MANBA: variants seen among roughly 807,000 people sequenced by gnomAD.
The protein encoded by MANBA is beta-mannosidase.
In MANBA, 83 loss-of-function variants were observed where a neutral mutation model predicts 111.1. The observed-to-expected ratio is 0.75, with a 90% CI of 0.63 to 0.90. The LOEUF is 0.90. MANBA is among the 40% of genes least tolerant of loss of function. The pLI is 0.00. For missense variants in MANBA, 1,036 were observed against 1,069.0 expected (o/e 0.97, Z 0.43); for synonymous variants, 370 against 378.7 (o/e 0.98, Z 0.27).
chr4:102,732,022 C>T (rs1723050627), intron 1 of MANBA, among the ~76,000 whole-genome samples: 1 of 152,124 alleles, frequency 6.6e-6, no homozygotes, highest in African/African-American at 2.4e-5. Context: ...ATTCTCCTGC[C>T]TCAGCTTCCC....
chr4:102,675,076 G>T (rs1194403882), intron 7 of MANBA, among the ~76,000 whole-genome samples: 1 of 152,178 alleles, frequency 6.6e-6, no homozygotes, highest in East Asian at 1.9e-4. Context: ...CTGCTTCAGG[G>T]TTGCAAAATG....
At chr4:102,707,798 A>C (rs1283466805) in intron 5 of MANBA, among the ~76,000 whole-genome samples, 1 of 152,168 alleles carries the variant, frequency 6.6e-6, no homozygotes, top group Non-Finnish European at 1.5e-5. Flanking sequence ...ACATGGACTG[A>C]AAGTAAAGGA....
chr4:102,734,380 C>T (rs532713132), intron 1 of MANBA: 1 of 1,610,254 alleles, frequency 6.2e-7, no homozygotes, highest in Admixed American at 1.7e-5. Context: ...CTAGACTTCT[C>T]ACCTCTGGAG....
rs147542645 is a variant in MANBA, at chr4:102,657,887, C to T, written c.1499G>A (p.Arg500His). The T allele has an allele frequency of 3.5e-4, 567 of 1,607,416 alleles. No homozygotes were observed. Among genetic ancestry groups the T allele is most frequent in the Non-Finnish European group, 4.5e-4 (534 of 1,173,942 alleles). ...RELVLAGDKS[R>H]PFITSSPTNG... ...TGTAGGACTGGACGTAATAAAAGGACGACTCTTGTCTCCCTGAGTTCAGAA... is the reference window on the plus strand; with the variant it reads ...TGTAGGACTGGACGTAATAAAAGGATGACTCTTGTCTCCCTGAGTTCAGAA... The change falls in exon 12 of 17, where the codon CGT (arginine) becomes CAT (histidine). Residue 500 changes from arginine (R) to histidine (H), a missense_variant. Transcript: ENST00000647097.
intron 1 of MANBA, among the ~76,000 whole-genome samples, chr4:102,736,736 T>C (rs1723229278): frequency 6.6e-6 from 1 of 152,148 alleles, no homozygotes; most frequent in Non-Finnish European, 1.5e-5. Context: ...CAGCTCCCAC[T>C]TGGATGAACA....
rs1732485053 is a variant in MANBA at position 102,691,706 on chromosome 4, C to G, written c.674-935G>C. Among the ~76,000 whole-genome samples the G allele has an allele frequency of 2.0e-5, 3 of 151,966 alleles. No homozygotes were observed. In the South Asian group the frequency reaches 6.2e-4, roughly 32 times the overall value. On this transcript the variant is annotated intron_variant, in intron 5 of 16. Transcript: ENST00000647097. ...TACTTTTTGTAAAGATGAGGTCTCA[C>G]TTTGTTGTCCAGGTTAGTCTTGAAC...
Position 102,690,767 on chromosome 4 carries a change from CT to C in MANBA, c.677del (p.Lys226ArgfsTer10). 6.8e-7 allele frequency: 1 copy of C among 1,460,536 alleles called. No individual in the cohort carries two copies. Among genetic ancestry groups the C allele is most frequent in the Non-Finnish European group, 9.2e-7 (1 of 1,082,366 alleles). The allele number at this position is 1,460,536 out of a possible 1,614,324, so 90.5% of individuals were successfully genotyped here. ...TTTCCAGATTCCACTCCTGGGCACTCTTATCTAAAATATAAAAAGAAAAAGA... is the reference window on the plus strand; with the variant it reads ...TTTCCAGATTCCACTCCTGGGCACTCTATCTAAAATATAAAAAGAAAAAGA... Reference protein sequence around the residue: ...NYFTFSPIYDKSAQEWNLEIE... With the variant: ...NYFTFSPIYDXSAQEWNLEIE... On this transcript the variant is annotated frameshift_variant, in exon 6 of 17. Coordinates refer to ENST00000647097, the MANE Select transcript of MANBA (RefSeq NM_005908.4). LOFTEE classifies it high-confidence loss of function.
At position 102,714,431 on chromosome 4, in the gene MANBA, A is replaced by G; in HGVS notation, c.673+7T>C. 6.2e-7 allele frequency: 1 copy of G among 1,603,386 alleles called. No individual in the cohort carries two copies. The highest frequency in any genetic ancestry group is 8.5e-7 in the Non-Finnish European group (1 of 1,170,432). The stretch of plus-strand genomic sequence containing the variant: ...AAAAGAAAAAAAAATCACATCTTTC[A>G]GCTTACCATATATTGGGGAAAATGT... On this transcript the variant is annotated splice_region_variant and intron_variant, in intron 5 of 16. Transcript: ENST00000647097.
intron 1 of MANBA, chr4:102,729,878 G>T: frequency 6.5e-7 from 1 of 1,531,972 alleles, no homozygotes; most frequent in Non-Finnish European, 9.0e-7. Flanking sequence ...ACTTGTTGTT[G>T]AGGGTCTTGA....
chr4:102,735,046 C>T (rs533901949), intron 1 of MANBA, among the ~76,000 whole-genome samples: 1 of 152,302 alleles, frequency 6.6e-6, no homozygotes, highest in African/African-American at 2.4e-5. Flanking sequence ...TAATCAGTCA[C>T]CTTTTTTGCT....
Position 102,691,835 on chromosome 4 carries a change from T to A in MANBA, c.674-1064A>T, listed in dbSNP as rs1732491300. 1.3e-5 allele frequency among the ~76,000 whole-genome samples: 2 copies of A among 152,112 alleles called. 1 individual carries two copies. The highest frequency in any genetic ancestry group is 4.8e-5 in the African/African-American group (2 of 41,424). On this transcript the variant is annotated intron_variant, in intron 5 of 16. Transcript: ENST00000647097. ...GGAATGCTTTCATTAGAAAGTGGTA[T>A]CTAGCTGAGACCAGAAGGATGCCTC...
intron 7 of MANBA, among the ~76,000 whole-genome samples, chr4:102,684,953 T>A (rs1732144745): frequency 6.6e-6 from 1 of 152,170 alleles, no homozygotes; most frequent in African/African-American, 2.4e-5. Context: ...CATGGGTAAC[T>A]GAAACCACAG....
chr4:102,732,169 C>A (rs2110200193), intron 1 of MANBA, among the ~76,000 whole-genome samples: 1 of 152,304 alleles, frequency 6.6e-6, no homozygotes, highest in East Asian at 1.9e-4. Context: ...TCTCAGCCTC[C>A]CAAAGTGCTG....
At chr4:102,727,691 A>G in intron 1 of MANBA, 1 of 1,228,384 alleles carries the variant, frequency 8.1e-7, no homozygotes, top group Middle Eastern at 2.7e-4. Flanking sequence ...AATCTCCCTC[A>G]GGAGGATGGT....
intron 5 of MANBA, among the ~76,000 whole-genome samples, chr4:102,711,832 C>A (rs749816395): frequency 6.6e-6 from 1 of 152,012 alleles, no homozygotes; most frequent in African/African-American, 2.4e-5. Flanking sequence ...TTGCATCTTG[C>A]CACTCACATG....
intron 12 of MANBA, among the ~76,000 whole-genome samples, chr4:102,654,151 GTACACAGCAA>G (rs1730458370): frequency 6.6e-6 from 1 of 151,856 alleles, no homozygotes; most frequent in East Asian, 2.0e-4. Context: ...TGAGTACGTG[GTACACAGCAA>G]TTATTCAGTA....
At chr4:102,662,321 CAGG>C (rs1731000569) in intron 11 of MANBA, among the ~76,000 whole-genome samples, 1 of 152,002 alleles carries the variant, frequency 6.6e-6, no homozygotes, top group African/African-American at 2.4e-5. Flanking sequence ...GTGGGTGGAG[CAGG>C]AGGTCAGGAG....
At chr4:102,728,636 G>C (rs1319641714) in intron 1 of MANBA, 1 of 517,594 alleles carries the variant, frequency 1.9e-6, no homozygotes, top group Admixed American at 3.1e-5. Context: ...CCCTGTGGGT[G>C]GGTTGAGGGC....
At chr4:102,727,443 A>G in intron 1 of MANBA, 1 of 1,347,740 alleles carries the variant, frequency 7.4e-7, no homozygotes, top group South Asian at 1.2e-5. Flanking sequence ...CCAATTGCAC[A>G]TGGGTCTCAG....
Sources: gnomAD v4.1 joint callset for allele counts (sites outside exome capture counted in the v4.1 genomes callset) on GRCh38, gnomAD v4.1.1 for gene constraint, MANE v1.5 for transcripts, NCBI Gene and HGNC (gene_info 2026-07-23, HGNC 2026-07-21) for gene names.